The following SMARCA2 variants were observed in gnomAD, a reference collection of about 807,000 sequenced individuals.
SMARCA2 encodes SWI/SNF-related matrix-associated actin-dependent regulator of chromatin subfamily A member 2.
In SMARCA2, 61 loss-of-function variants were observed where a neutral mutation model predicts 199.8. That is an observed-to-expected ratio of 0.31 (90% CI 0.25 to 0.38). The LOEUF is 0.38. Among genes scored for constraint, SMARCA2 ranks in the 10% least tolerant of loss-of-function variants. The pLI is 1.00. For missense variants in SMARCA2, 1,344 were observed against 2,012.2 expected (o/e 0.67, Z 6.35); for synonymous variants, 935 against 732.0 (o/e 1.28, Z -4.48).
chr9:2,083,254 A>G (rs920695547), intron 15 of SMARCA2, 93 bp from the exon 16 acceptor site: 16 of 744,126 alleles, frequency 2.2e-5, no homozygotes, highest in Non-Finnish European at 3.1e-5. Context: ...GCCCCTTTCA[A>G]GGTGAGGCCT....
chr9:2,091,083 C>G (rs1563762216), intron 19 of SMARCA2, among the ~76,000 whole-genome samples: 2 of 152,110 alleles, frequency 1.3e-5, no homozygotes, highest in Non-Finnish European at 2.9e-5. Flanking sequence ...AGGAAAGAGG[C>G]TTTTACTTTT....
In SMARCA2 at chr9:2,170,758, G is replaced by T. The variant is rs1053775072; in HGVS notation, c.4253+286G>T. ...CCCGCCCTAACTGCAGCATCTTGGA[G>T]ATGGGTTTCTGTTGCTTCCCCCTCC... On this transcript the variant is annotated intron_variant, in intron 29 of 33. Transcript: ENST00000349721. This position sits in a 1 kb window ranked among gnomAD's most constrained non-coding sequence, Gnocchi z 4.7. 3.9e-5 allele frequency among the ~76,000 whole-genome samples: 6 copies of T among 152,222 alleles called. No individual in the cohort carries two copies. The highest frequency in any genetic ancestry group is 4.4e-5 in the Non-Finnish European group (3 of 68,052).
chr9:2,049,439 T>C (rs1226235228), intron 5 of SMARCA2, among the ~76,000 whole-genome samples: 1 of 152,268 alleles, frequency 6.6e-6, no homozygotes, highest in African/African-American at 2.4e-5. Context: ...TAAAAAATGC[T>C]GTCAGTATCT....
At chr9:2,074,977 T>C (rs1312126510) in intron 12 of SMARCA2, 1 of 152,224 alleles carries the variant, frequency 6.6e-6, no homozygotes, top group African/African-American at 2.4e-5. Context: ...ATGAATGGGC[T>C]TATAAGTGAC....
chr9:2,187,890 TC>T (rs1199310970), intron 32 of SMARCA2, among the ~76,000 whole-genome samples: 3 of 151,976 alleles, frequency 2.0e-5, no homozygotes, highest in Non-Finnish European at 4.4e-5. Flanking sequence ...ACAAGCCTGA[TC>T]AATATATTCA....
At chr9:2,138,195 CAG>C (rs1824298808) in intron 27 of SMARCA2, among the ~76,000 whole-genome samples, 1 of 150,364 alleles carries the variant, frequency 6.7e-6, no homozygotes, top group African/African-American at 2.5e-5. Flanking sequence ...AAAAAAAAAA[CAG>C]ATAAATACAT....
chr9:2,051,008 A>C (rs993169325), intron 5 of SMARCA2, among the ~76,000 whole-genome samples: 1 of 152,206 alleles, frequency 6.6e-6, no homozygotes, highest in African/African-American at 2.4e-5. Context: ...GCAGTATTAC[A>C]TCTTGTTGTT....
chr9:2,181,658 G>A lies in SMARCA2; in HGVS notation c.4341G>A (p.Val1447=). The A allele has an allele frequency of 6.6e-7, 1 of 1,506,424 alleles. No homozygotes were observed. The highest frequency in any genetic ancestry group is 9.2e-7 in the Non-Finnish European group (1 of 1,082,950). 93.3% of individuals were successfully genotyped at this position (1,506,424 alleles called of 1,614,324 possible). ...ACTATGAATTAATTAGGAAGCCAGT[G>A]GATTTCAAAAAAATAAAGGTAGATA... ...PEYYELIRKP[V]DFKKIKERIR... is the part of the protein sequence containing the mutation. The change falls in exon 30 of 34, where the codon GTG becomes GTA. Residue 1447 remains valine, a synonymous_variant. Coordinates refer to ENST00000349721, the MANE Select transcript of SMARCA2 (RefSeq NM_003070.5).
intron 29 of SMARCA2, among the ~76,000 whole-genome samples, chr9:2,175,760 CATT>C (rs950635199): frequency 2.5e-4 from 38 of 152,264 alleles, no homozygotes; most frequent in African/African-American, 8.7e-4. Flanking sequence ...TATTATTTTT[CATT>C]ATGCTTTGGC....
chr9:2,109,668 C>G (rs1414213190), intron 23 of SMARCA2, among the ~76,000 whole-genome samples: 1 of 151,878 alleles, frequency 6.6e-6, no homozygotes, highest in East Asian at 1.9e-4. Context: ...TTAAGTCTTG[C>G]TAACAAGGAT....
chr9:2,152,376 A>G (rs1277998946), intron 27 of SMARCA2, among the ~76,000 whole-genome samples: 2 of 151,998 alleles, frequency 1.3e-5, no homozygotes, highest in East Asian at 3.9e-4. Flanking sequence ...CAACACGATG[A>G]AAGCCCATCT....
intron 29 of SMARCA2, among the ~76,000 whole-genome samples, chr9:2,171,664 A>ATTGAAACAAC (rs1302111865): frequency 6.6e-6 from 1 of 152,254 alleles, no homozygotes; most frequent in Non-Finnish European, 1.5e-5. Context: ...TGACTTGGAG[A>ATTGAAACAAC]TTGAAACAAC....
At chr9:2,037,371 G>A (rs532859536) in intron 3 of SMARCA2, among the ~76,000 whole-genome samples, 180 of 152,260 alleles carry the variant, frequency 1.2e-3, no homozygotes, top group African/African-American at 4.1e-3. Flanking sequence ...GCTTCCTCAC[G>A]GAGTAGGGAT....
rs550373853 is a variant in SMARCA2, at chr9:2,171,514, A to T, written c.4253+1042A>T. ...GATGAAACTGTCGGGCAAGATTGTC[A>T]ATTTTTGATATTTCTTATTGCAGTC... On this transcript the variant is annotated intron_variant, in intron 29 of 33. Transcript: ENST00000349721. Among the ~76,000 whole-genome samples, 15 of 152,334 alleles carry T rather than the reference A, an allele frequency of 9.8e-5. No homozygotes were observed. The East Asian group carries it at 2.9e-3, about 29-fold the overall frequency.
intron 9 of SMARCA2, among the ~76,000 whole-genome samples, chr9:2,067,345 C>T (rs1224439958): frequency 1.3e-5 from 2 of 152,196 alleles, no homozygotes; most frequent in East Asian, 1.9e-4. Flanking sequence ...GTGCCTGATG[C>T]CCTTGTAGGT....
At chr9:2,107,659 T>C (rs1189795435) in intron 23 of SMARCA2, among the ~76,000 whole-genome samples, 1 of 152,188 alleles carries the variant, frequency 6.6e-6, no homozygotes, top group Non-Finnish European at 1.5e-5. Context: ...TTGGCCTGTT[T>C]GCTTGAGGTA....
chr9:2,149,075 G>GT, intron 27 of SMARCA2, among the ~76,000 whole-genome samples: 1 of 151,102 alleles, frequency 6.6e-6, no homozygotes, highest in African/African-American at 2.4e-5. Flanking sequence ...TTTTCACACT[G>GT]CTGATAAAGA....
chr9:2,125,768 G>A (rs1365791662), intron 27 of SMARCA2, among the ~76,000 whole-genome samples: 1 of 152,226 alleles, frequency 6.6e-6, no homozygotes, highest in African/African-American at 2.4e-5. Flanking sequence ...GGGATTACAG[G>A]CGTGAGCCAC....
chr9:2,069,904 C>T (rs374400703), intron 9 of SMARCA2, among the ~76,000 whole-genome samples: 4 of 152,276 alleles, frequency 2.6e-5, no homozygotes, highest in East Asian at 3.9e-4. Flanking sequence ...TCATCGTACC[C>T]AATAATTAGT....
Sources: allele counts gnomAD v4.1 joint callset (sites outside exome capture counted in the v4.1 genomes callset), GRCh38; gene constraint gnomAD v4.1.1; non-coding constraint Gnocchi (gnomAD v3.1); transcripts MANE v1.5; gene names NCBI Gene and HGNC (gene_info 2026-07-23, HGNC 2026-07-21).